The following ERBB4 variants were observed in gnomAD, a reference collection of about 807,000 sequenced individuals.
ERBB4 encodes erb-b2 receptor tyrosine kinase 4, also known as receptor tyrosine-protein kinase erbB-4.
ERBB4 carries 42 observed loss-of-function variants against 158.0 expected under a neutral mutation model. That is an observed-to-expected ratio of 0.27 (90% CI 0.21 to 0.34). ERBB4 has a LOEUF of 0.34. Ranked by LOEUF, ERBB4 falls within the 10% of genes least tolerant of loss-of-function variation. ERBB4 has a pLI of 1.00. For missense variants in ERBB4, 1,333 were observed against 1,624.1 expected (o/e 0.82, Z 3.08); for synonymous variants, 583 against 558.7 (o/e 1.04, Z -0.61).
At chr2:212,104,781 G>A (rs930001838) in intron 2 of ERBB4, among the ~76,000 whole-genome samples, 3 of 152,054 alleles carry the variant, frequency 2.0e-5, no homozygotes, top group Admixed American at 6.6e-5. Context: ...AAGTCAAGTC[G>A]ATTTGCGCTT....
At chr2:211,743,987 A>C (rs1343989779) in intron 5 of ERBB4, among the ~76,000 whole-genome samples, 2 of 152,212 alleles carry the variant, frequency 1.3e-5, no homozygotes, top group African/African-American at 4.8e-5. Flanking sequence ...GTTTTAGAAA[A>C]TCAGACTCAT....
At chr2:212,050,858 C>A (rs1181802451) in intron 2 of ERBB4, among the ~76,000 whole-genome samples, 1 of 152,002 alleles carries the variant, frequency 6.6e-6, no homozygotes, top group Non-Finnish European at 1.5e-5. Context: ...ATAATGCAGG[C>A]AAAAATAATC....
At chr2:212,494,169 C>T (rs759667775) in intron 1 of ERBB4, among the ~76,000 whole-genome samples, 18 of 151,826 alleles carry the variant, frequency 1.2e-4, no homozygotes, top group Non-Finnish European at 2.2e-4. Flanking sequence ...GAATCAACAA[C>T]ACACATATGT....
In ERBB4 at chr2:212,040,600, G is replaced by T. The variant is rs1193663410; in HGVS notation, c.234+84152C>A. 2.0e-5 allele frequency among the ~76,000 whole-genome samples: 3 copies of T among 152,014 alleles called. No individual in the cohort carries two copies. The East Asian group carries it at 5.8e-4, about 29-fold the overall frequency. On this transcript the variant is annotated intron_variant, in intron 2 of 27. Coordinates refer to ENST00000342788, the MANE Select transcript of ERBB4 (RefSeq NM_005235.3). The stretch of plus-strand genomic sequence containing the variant: ...AGTAGGGCATCACTATTTCTAACTC[G>T]TCTCTGCCAGTTGCCCTATATTCAC...
chr2:211,713,380 C>G (rs1226393360), intron 8 of ERBB4, among the ~76,000 whole-genome samples, 155 bp downstream of exon 8: 1 of 152,038 alleles, frequency 6.6e-6, no homozygotes, highest in East Asian at 1.9e-4. Context: ...TATAAAAGTT[C>G]ATATTTTGAG....
At chr2:211,437,872 A>G (rs2063888966) in intron 20 of ERBB4, among the ~76,000 whole-genome samples, 1 of 152,162 alleles carries the variant, frequency 6.6e-6, no homozygotes, top group Non-Finnish European at 1.5e-5. Context: ...AAGCAATTCT[A>G]TCCCTGGGGG....
rs2076483570 is a variant in ERBB4, at chr2:212,015,042, ATATATATATATATATATATATAT to A, written c.235-67449_235-67427del. ...CCCGTCTCTACTAAAAAAAAAAAAAATATATATATATATATATATATATATATATATATATATATATATATATA... is the reference window on the plus strand; with the variant it reads ...CCCGTCTCTACTAAAAAAAAAAAAAAATATATATATATATATATATATATA... On this transcript the variant is annotated intron_variant, in intron 2 of 27. Coordinates refer to ENST00000342788, the MANE Select transcript of ERBB4 (RefSeq NM_005235.3). 6.9e-4 allele frequency among the ~76,000 whole-genome samples: 8 copies of A among 11,630 alleles called. 1 individual carries two copies. The highest frequency in any genetic ancestry group is 7.3e-4 in the Non-Finnish European group (4 of 5,516). The allele number at this position is 11,630 out of a possible 152,430, so 7.6% of individuals were successfully genotyped here.
chr2:212,057,329 T>C (rs1307056554), intron 2 of ERBB4, among the ~76,000 whole-genome samples: 1 of 152,138 alleles, frequency 6.6e-6, no homozygotes, highest in African/African-American at 2.4e-5. Flanking sequence ...ACAATAATAA[T>C]GGGAGACTTT....
intron 3 of ERBB4, among the ~76,000 whole-genome samples, chr2:211,849,415 T>A (rs2077664896): frequency 6.6e-6 from 1 of 152,008 alleles, no homozygotes; most frequent in Non-Finnish European, 1.5e-5. Flanking sequence ...ATATTACAAT[T>A]AATTAAAGCA....
intron 1 of ERBB4, among the ~76,000 whole-genome samples, chr2:212,450,142 CAGA>C (rs1281313523): frequency 2.0e-5 from 3 of 152,108 alleles, no homozygotes; most frequent in African/African-American, 4.8e-5. Context: ...TCAAACACAA[CAGA>C]AGAAGAACAA....
intron 20 of ERBB4, among the ~76,000 whole-genome samples, chr2:211,433,425 C>T (rs1032108079): frequency 6.6e-6 from 1 of 151,674 alleles, no homozygotes; most frequent in African/African-American, 2.4e-5. Flanking sequence ...ACTAAAAATA[C>T]AAAAAATTAG....
intron 1 of ERBB4, among the ~76,000 whole-genome samples, chr2:212,226,224 G>A (rs565342975): frequency 5.9e-5 from 9 of 152,220 alleles, no homozygotes; most frequent in African/African-American, 2.2e-4. Context: ...GGGGATCCTT[G>A]TCCTACAGCT....
At chr2:212,227,571 T>C (rs1158362019) in intron 1 of ERBB4, among the ~76,000 whole-genome samples, 2 of 152,198 alleles carry the variant, frequency 1.3e-5, no homozygotes, top group African/African-American at 2.4e-5. Flanking sequence ...TCAAAATAAC[T>C]GCTTTCTTAC....
chr2:211,695,712 A>G (rs923323422), intron 12 of ERBB4, among the ~76,000 whole-genome samples: 3 of 152,042 alleles, frequency 2.0e-5, no homozygotes, highest in Admixed American at 6.5e-5. Context: ...TTAATTCACC[A>G]CTTTAATAAG....
At chr2:211,404,098 T>C (rs1362503237) in intron 25 of ERBB4, among the ~76,000 whole-genome samples, 2 of 152,110 alleles carry the variant, frequency 1.3e-5, no homozygotes, top group South Asian at 2.1e-4. Context: ...TACCCCATTA[T>C]CCTTTATCCT....
At chr2:212,401,784 A>G (rs1052550151) in intron 1 of ERBB4, among the ~76,000 whole-genome samples, 2 of 152,084 alleles carry the variant, frequency 1.3e-5, no homozygotes, top group African/African-American at 4.8e-5. Flanking sequence ...TAAGGCTCTC[A>G]GTAAAACTAA....
At chr2:212,474,753 C>T (rs1298348221) in intron 1 of ERBB4, among the ~76,000 whole-genome samples, 1 of 150,262 alleles carries the variant, frequency 6.7e-6, no homozygotes, top group East Asian at 1.9e-4. Context: ...CAATAGAATA[C>T]TCCAGAGATA....
chr2:211,511,502 G>A (rs2065884741), intron 20 of ERBB4, among the ~76,000 whole-genome samples: 1 of 152,044 alleles, frequency 6.6e-6, no homozygotes, highest in Admixed American at 6.5e-5. Flanking sequence ...GAAAATTTCT[G>A]TGATGTTACC....
intron 4 of ERBB4, among the ~76,000 whole-genome samples, chr2:211,765,608 G>A (rs2075532333): frequency 6.6e-6 from 1 of 152,056 alleles, no homozygotes. Flanking sequence ...ACCAAAGCAG[G>A]CAGATTCCTG....
Sources: allele counts gnomAD v4.1 joint callset (sites outside exome capture counted in the v4.1 genomes callset), GRCh38; gene constraint gnomAD v4.1.1; transcripts MANE v1.5; gene names NCBI Gene and HGNC (gene_info 2026-07-23, HGNC 2026-07-21).